Variants in ZNF735 observed in about 807,000 individuals in gnomAD.
ZNF735 encodes the protein zinc finger protein 735.
In ZNF735, 11 loss-of-function variants were observed where a neutral mutation model predicts 13.4. The observed-to-expected ratio is 0.82, with a 90% CI of 0.52 to 1.36. The LOEUF (loss-of-function observed/expected upper bound fraction) is 1.36, where lower values mean the gene tolerates loss of function less well. ZNF735 is among the 40% of genes most tolerant of loss of function. ZNF735 has a pLI of 0.00. For synonymous variants in ZNF735, 171 were observed against 162.6 expected, an observed-to-expected ratio of 1.05 and a Z score of -0.39; for missense variants, 500 against 484.6, an observed-to-expected ratio of 1.03 and a Z score of -0.30.
chr7:64,213,135 C>T lies in ZNF735; in HGVS notation c.83C>T (p.Ala28Val), dbSNP rs183236398. ...GACATAGCTATAGAATTCTCTCTGG[C>T]GGAGTGGCAATGCCTGGATCATGCT... Residue 28 changes from alanine to valine, a missense_variant, in exon 2 of 4, where the codon GCG becomes GTG. Ala to Val is a moderately conservative substitution (Grantham distance 64). Transcript: ENST00000429565. 2.0e-5 allele frequency: 32 copies of T among 1,612,150 alleles called. No homozygotes were observed. The highest frequency in any genetic ancestry group is 8.0e-5 in the African/African-American group (6 of 74,572).
intron 3 of ZNF735, among the ~76,000 whole-genome samples, chr7:64,214,353 G>A (rs970004018): frequency 9.9e-5 from 15 of 152,094 alleles, no homozygotes; most frequent in Admixed American, 9.2e-4. Context: ...CAGGTTCACA[G>A]TGTGAGCCAA....
At chr7:64,207,770 C>T (rs1266864576) in intron 1 of ZNF735, among the ~76,000 whole-genome samples, 3 of 152,094 alleles carry the variant, frequency 2.0e-5, no homozygotes, top group Non-Finnish European at 1.5e-5. Context: ...GGGCGGATCA[C>T]GAGGTCAGGT....
rs529721429 is a variant in ZNF735, at chr7:64,208,287, TCA to T, written c.39+1048_39+1049del. Among the ~76,000 whole-genome samples, 20 of 124,392 alleles carry T rather than the reference TCA, an allele frequency of 1.6e-4. 1 individual carries two copies. In the South Asian group the frequency reaches 5.5e-3, roughly 35 times the overall value. The allele number at this position is 124,392 out of a possible 152,430, so 81.6% of individuals were successfully genotyped here. ...TTTTTTTTTTTTTGGAGAGGGAGTC[TCA>T]CTCTGTCCTCCAGGCTGGAGTGCAG... On this transcript the variant is annotated intron_variant, in intron 1 of 3. Transcript: ENST00000429565.
chr7:64,220,054 A>G lies in ZNF735; in HGVS notation c.1003A>G (p.Asn335Asp), dbSNP rs182164425. ...ATGTGAAGAATGTGGCAAAGCCTTT[A>G]ACTGCTCCTCGACTCTTAAGACACA... The change falls in exon 4 of 4, where the codon AAC becomes GAC. Residue 335 changes from asparagine to aspartate, a missense_variant. By Grantham distance (23) the Asn-to-Asp change is conservative. Transcript: ENST00000429565. The G allele has an allele frequency of 1.5e-4, 243 of 1,612,690 alleles. 1 individual carries two copies. In the East Asian group the frequency reaches 5.3e-3, roughly 35 times the overall value.
chr7:64,215,914 T>C (rs1357872590), intron 3 of ZNF735, among the ~76,000 whole-genome samples: 2 of 152,206 alleles, frequency 1.3e-5, no homozygotes, highest in Non-Finnish European at 2.9e-5. Flanking sequence ...GTTATTGTTA[T>C]TGTTGCTTTT....
In ZNF735 at chr7:64,213,077, CTT is replaced by C. The variant is rs753518901; in HGVS notation, c.40-5_40-4del. On this transcript the variant is annotated splice_polypyrimidine_tract_variant and intron_variant, in intron 1 of 3. Coordinates refer to ENST00000429565, the Ensembl canonical transcript of ZNF735. ...GTAAGTGTGTGTTCATGAGGTTTTT[CTT>C]TTTTTTTTTCAGGGACTGTTGACAT... is the stretch of plus-strand genomic sequence containing the variant. The C allele has an allele frequency of 4.2e-5, 51 of 1,202,652 alleles. No individual in the cohort carries two copies. Among genetic ancestry groups the C allele is most frequent in the Admixed American group, 1.5e-4 (7 of 45,654 alleles). 74.5% of individuals were successfully genotyped at this position (1,202,652 alleles called of 1,614,324 possible). A position where few individuals can be genotyped will look rare whatever the true frequency, so the allele number is the denominator to read the frequency against.
At chr7:64,213,251 T>C (rs373855969) in intron 2 of ZNF735, 33 bp downstream of exon 2, 537 of 1,554,646 alleles carry the variant, frequency 3.5e-4, no homozygotes, top group Non-Finnish European at 4.3e-4. Flanking sequence ...ATTCCTAATA[T>C]ATTGCCGTTC....
chr7:64,208,112 GGT>G (rs775748889), intron 1 of ZNF735, among the ~76,000 whole-genome samples: 12 of 152,060 alleles, frequency 7.9e-5, no homozygotes, highest in Non-Finnish European at 1.3e-4. Context: ...TAATTGGTTT[GGT>G]ACAGTTATTT....
exon 4 of ZNF735, chr7:64,219,357 C>A: frequency 6.2e-7 from 1 of 1,613,644 alleles, no homozygotes; most frequent in Non-Finnish European, 8.5e-7. Flanking sequence ...CAGAGCAGAG[C>A]ATAAAAGATT....
chr7:64,214,035 C>T, exon 3 of ZNF735: 1 of 1,599,310 alleles, frequency 6.3e-7, no homozygotes, highest in Non-Finnish European at 8.5e-7. Context: ...CTAAGCCAGA[C>T]TTGATCGCCT....
intron 3 of ZNF735, among the ~76,000 whole-genome samples, chr7:64,216,876 G>A (rs1787428016): frequency 6.6e-6 from 1 of 152,086 alleles, no homozygotes. Flanking sequence ...AAAGTACTGG[G>A]GTTACACCTG....
chr7:64,208,334 T>C (rs1562831273), intron 1 of ZNF735, among the ~76,000 whole-genome samples: 1 of 146,372 alleles, frequency 6.8e-6, no homozygotes, highest in Non-Finnish European at 1.5e-5. Context: ...CTCACCTCTT[T>C]ACAACCTCTG....
intron 3 of ZNF735, among the ~76,000 whole-genome samples, chr7:64,214,458 T>C (rs1180664112): frequency 1.3e-5 from 2 of 152,130 alleles, no homozygotes; most frequent in African/African-American, 2.4e-5. Flanking sequence ...TGAGAAACTC[T>C]ATGTTAAACC....
exon 4 of ZNF735, chr7:64,219,498 G>A (rs777914390): frequency 1.9e-6 from 3 of 1,611,644 alleles, no homozygotes; most frequent in South Asian, 2.2e-5. Flanking sequence ...ACCAATGTTT[G>A]TCAAATACCC....
At chr7:64,218,729 A>G (rs192273703) in intron 3 of ZNF735, among the ~76,000 whole-genome samples, 3 of 152,216 alleles carry the variant, frequency 2.0e-5, no homozygotes, top group Admixed American at 2.0e-4. Flanking sequence ...AGACATTAAC[A>G]TAAAACTACC....
chr7:64,213,277 G>T, intron 2 of ZNF735, 59 bp downstream of exon 2: 2 of 1,504,868 alleles, frequency 1.3e-6, no homozygotes, highest in Non-Finnish European at 1.8e-6. Context: ...TTTCTAAGAT[G>T]ATTTTGGTAA....
At chr7:64,210,365 G>T (rs1363976053) in intron 1 of ZNF735, among the ~76,000 whole-genome samples, 1 of 152,148 alleles carries the variant, frequency 6.6e-6, no homozygotes. Context: ...AAATTTGGTG[G>T]GTGTAAGGGA....
intron 1 of ZNF735, among the ~76,000 whole-genome samples, chr7:64,212,600 C>A (rs1787373941): frequency 6.6e-6 from 1 of 152,042 alleles, no homozygotes; most frequent in Admixed American, 6.6e-5. Flanking sequence ...CAAGACCTGC[C>A]TGGCCAACAT....
rs1396326404 is a variant in ZNF735 at position 64,219,404 on chromosome 7, G to A, written c.353G>A (p.Cys118Tyr). 5.0e-6 allele frequency: 8 copies of A among 1,613,836 alleles called. No individual in the cohort carries two copies. Among genetic ancestry groups the A allele is most frequent in the Non-Finnish European group, 5.9e-6 (7 of 1,179,964 alleles). Residue 118 changes from cysteine to tyrosine, a missense_variant, in exon 4 of 4, where the codon TGT (cysteine) becomes TAT (tyrosine). By Grantham distance (194) the Cys-to-Tyr change is radical. Coordinates refer to ENST00000429565, the Ensembl canonical transcript of ZNF735. ...GTAATACCAAGAACATATGGAAAAT[G>A]TGGACATGAGAATTTACAATTAAAA...
Sources: allele counts gnomAD v4.1 joint callset (sites outside exome capture counted in the v4.1 genomes callset), GRCh38; gene constraint gnomAD v4.1.1; transcripts MANE v1.5; gene names NCBI Gene and HGNC (gene_info 2026-07-23, HGNC 2026-07-21).